Variants in DYNC2I1 observed in about 807,000 individuals in gnomAD.
DYNC2I1 encodes dynein 2 intermediate chain 1.
A neutral mutation model predicts 133.4 loss-of-function variants in DYNC2I1; 89 were observed. The observed-to-expected ratio is 0.67, with a 90% CI of 0.56 to 0.80. DYNC2I1 has a LOEUF of 0.80. Among genes scored for constraint, DYNC2I1 ranks in the 30% least tolerant of loss-of-function variants. The pLI is 0.00. For missense variants in DYNC2I1, 1,291 were observed against 1,314.5 expected, an observed-to-expected ratio of 0.98 and a Z score of 0.28; for synonymous variants, 504 against 484.3, an observed-to-expected ratio of 1.04 and a Z score of -0.54.
the DYNC2I1 span, among the ~76,000 whole-genome samples, chr7:158,849,724 G>A: frequency 6.6e-6 from 1 of 152,234 alleles, no homozygotes; most frequent in African/African-American, 2.4e-5. Flanking sequence ...CCTCTCTGCT[G>A]TCAGGTTGTC....
At chr7:158,867,434 GT>G (rs1563079150) in intron 1 of DYNC2I1, among the ~76,000 whole-genome samples, 2 of 152,230 alleles carry the variant, frequency 1.3e-5, no homozygotes, top group Non-Finnish European at 2.9e-5. Context: ...AGAAGGAGCT[GT>G]GGCTGCACTG....
intron 14 of DYNC2I1, among the ~76,000 whole-genome samples, chr7:158,914,877 A>G (rs992939576): frequency 1.3e-5 from 2 of 152,246 alleles, no homozygotes; most frequent in African/African-American, 4.8e-5. Context: ...ACAGTTCAGT[A>G]TGAATCTCAA....
chr7:158,876,028 A>G (rs1282701559), intron 3 of DYNC2I1, among the ~76,000 whole-genome samples: 1 of 152,228 alleles, frequency 6.6e-6, no homozygotes, highest in African/African-American at 2.4e-5. Context: ...GTCTGTCCTC[A>G]TACTGCTGTA....
intron 6 of DYNC2I1, among the ~76,000 whole-genome samples, chr7:158,886,449 A>G (rs1007102004): frequency 6.6e-6 from 1 of 152,070 alleles, no homozygotes; most frequent in Non-Finnish European, 1.5e-5. Context: ...CTTGTAAAGG[A>G]TGTAGATTTG....
intron 12 of DYNC2I1, among the ~76,000 whole-genome samples, 168 bp downstream of exon 12, chr7:158,911,847 C>T (rs552023288): frequency 3.9e-5 from 6 of 152,306 alleles, no homozygotes; most frequent in East Asian, 1.9e-4. Context: ...CCCATTCACC[C>T]GAGAGGCCGG....
chr7:158,852,525 G>T (rs1841083508), upstream of DYNC2I1, among the ~76,000 whole-genome samples: 3 of 151,826 alleles, frequency 2.0e-5, no homozygotes, highest in Admixed American at 2.0e-4. Flanking sequence ...CAGATCACAA[G>T]GTCAGGAGTT....
chr7:158,918,349 T>C (rs1848685956), intron 14 of DYNC2I1, among the ~76,000 whole-genome samples: 1 of 152,190 alleles, frequency 6.6e-6, no homozygotes, highest in South Asian at 2.1e-4. Context: ...CCTGGAACAA[T>C]GACAGTGTTT....
chr7:158,845,385 T>C, the DYNC2I1 span, among the ~76,000 whole-genome samples: 1 of 152,218 alleles, frequency 6.6e-6, no homozygotes, highest in Non-Finnish European at 1.5e-5. Context: ...TTTAAAATTA[T>C]TGGTAAAGTA....
chr7:158,870,948 A>G (rs1433467495), intron 2 of DYNC2I1, among the ~76,000 whole-genome samples, 194 bp from the exon 3 acceptor site: 1 of 152,146 alleles, frequency 6.6e-6, no homozygotes, highest in East Asian at 1.9e-4. Flanking sequence ...GCTTGACTCC[A>G]TGTCCTTTAG....
chr7:158,873,711 T>C (rs1207038811), intron 3 of DYNC2I1, among the ~76,000 whole-genome samples: 4 of 152,056 alleles, frequency 2.6e-5, no homozygotes, highest in Non-Finnish European at 4.4e-5. Flanking sequence ...ACCACAGCCT[T>C]GAACTGAGTA....
intron 8 of DYNC2I1, among the ~76,000 whole-genome samples, chr7:158,897,568 C>T (rs527324261): frequency 2.4e-4 from 37 of 152,152 alleles, no homozygotes; most frequent in Non-Finnish European, 4.9e-4. Flanking sequence ...CTTTTAATGT[C>T]ATGGGATCTG....
intron 8 of DYNC2I1, 47 bp downstream of exon 8, chr7:158,891,380 A>G (rs1845203512): frequency 6.2e-7 from 1 of 1,606,352 alleles, no homozygotes; most frequent in Non-Finnish European, 8.5e-7. Flanking sequence ...GTCCCAGCAC[A>G]GACCCACTCA....
chr7:158,913,232 G>C, intron 13 of DYNC2I1, 136 bp downstream of exon 13: 1 of 622,916 alleles, frequency 1.6e-6, no homozygotes, highest in Non-Finnish European at 2.6e-6. Flanking sequence ...GACAATAGCA[G>C]TACCCAATTT....
At chr7:158,858,832 C>T (rs1584927574) in intron 1 of DYNC2I1, among the ~76,000 whole-genome samples, 2 of 77,686 alleles carry the variant, frequency 2.6e-5, no homozygotes, top group Non-Finnish European at 2.5e-5. Context: ...TCCCCTCCCC[C>T]CTCCCCTTTC....
chr7:158,897,605 A>G (rs1845875616), intron 8 of DYNC2I1, among the ~76,000 whole-genome samples: 1 of 152,074 alleles, frequency 6.6e-6, no homozygotes, highest in African/African-American at 2.4e-5. Flanking sequence ...TACCTTTCTG[A>G]CGCTAGTAAT....
intron 10 of DYNC2I1, 67 bp from the exon 11 acceptor site, chr7:158,905,922 C>T (rs1468515394): frequency 2.4e-6 from 3 of 1,238,256 alleles, no homozygotes; most frequent in South Asian, 2.7e-5. Flanking sequence ...TGTTTTACTC[C>T]AGATATTTTT....
At chr7:158,932,217 G>A (rs113785269) in intron 21 of DYNC2I1, among the ~76,000 whole-genome samples, 80 of 152,342 alleles carry the variant, frequency 5.3e-4, no homozygotes, top group African/African-American at 1.8e-3. Context: ...GGGTTGTCGT[G>A]CAGAGGACGA....
downstream of DYNC2I1, among the ~76,000 whole-genome samples, chr7:158,949,214 G>A (rs977717084): frequency 2.6e-5 from 4 of 152,230 alleles, no homozygotes; most frequent in South Asian, 2.1e-4. Context: ...ATGTAATTTC[G>A]CCAGAAATAA....
intron 8 of DYNC2I1, among the ~76,000 whole-genome samples, chr7:158,900,365 A>C (rs1270363792): frequency 6.6e-6 from 1 of 151,836 alleles, no homozygotes; most frequent in African/African-American, 2.4e-5. Context: ...CAGATGATCC[A>C]CCTGCCTCGG....
Sources: allele counts gnomAD v4.1 joint callset (sites outside exome capture counted in the v4.1 genomes callset), GRCh38; gene constraint gnomAD v4.1.1; transcripts MANE v1.5; gene names NCBI Gene and HGNC (gene_info 2026-07-23, HGNC 2026-07-21).